The following CHST11 variants were observed in gnomAD, a reference collection of about 807,000 sequenced individuals.
The protein encoded by CHST11 is C4S-1.
CHST11 carries 9 observed loss-of-function variants against 30.4 expected under a neutral mutation model. The ratio of observed to expected loss-of-function variants is 0.30; its 90% CI spans 0.18 to 0.52. CHST11 has a LOEUF of 0.52. CHST11 is among the 20% of genes least tolerant of loss of function. CHST11 has a pLI of 0.97. For synonymous variants in CHST11, 152 were observed against 187.8 expected (o/e 0.81, Z 1.56); for missense variants, 348 against 460.6 (o/e 0.76, Z 2.24).
rs753309153 is a variant in CHST11, at chr12:104,498,120, G to A, written c.118+40591G>A. Among the ~76,000 whole-genome samples, 7 of 151,792 alleles carry A rather than the reference G, an allele frequency of 4.6e-5. No homozygotes were observed. The East Asian group carries it at 9.7e-4, about 21-fold the overall frequency. ...TTTTTAGTAGAGATGGGGTTTTGCC[G>A]TGTTGGCCAGGCTGGTTTTGAACTC... On this transcript the variant is annotated intron_variant, in intron 1 of 2. Coordinates refer to ENST00000303694, the MANE Select transcript of CHST11 (RefSeq NM_018413.6).
chr12:104,496,697 T>C (rs1740570932), intron 1 of CHST11, among the ~76,000 whole-genome samples: 1 of 152,192 alleles, frequency 6.6e-6, no homozygotes, highest in South Asian at 2.1e-4. Context: ...GAAGTCTCTG[T>C]CAAGAGCTCA....
At chr12:104,696,250 A>G (rs777359796) in intron 2 of CHST11, among the ~76,000 whole-genome samples, 18 of 151,886 alleles carry the variant, frequency 1.2e-4, no homozygotes, top group South Asian at 2.1e-4. Flanking sequence ...AGATGATATA[A>G]TAAACACTTT....
chr12:104,557,100 C>A (rs1476746887), intron 1 of CHST11, among the ~76,000 whole-genome samples: 4 of 152,152 alleles, frequency 2.6e-5, no homozygotes, highest in African/African-American at 9.7e-5. Context: ...TTTGCAGAGA[C>A]CCTGTTTCCA....
At chr12:104,532,708 C>T (rs147003384) in intron 1 of CHST11, among the ~76,000 whole-genome samples, 175 of 152,238 alleles carry the variant, frequency 1.1e-3, no homozygotes, top group Non-Finnish European at 1.8e-3. Context: ...CTATACCCAC[C>T]GTGTGCCAGC....
At chr12:104,494,492 T>C (rs1365704515) in intron 1 of CHST11, among the ~76,000 whole-genome samples, 2 of 152,242 alleles carry the variant, frequency 1.3e-5, no homozygotes, top group Non-Finnish European at 2.9e-5. Flanking sequence ...AGGGGAAGGA[T>C]TTTTGTCTCA....
At chr12:104,749,393 A>AT (rs901306270) in intron 2 of CHST11, among the ~76,000 whole-genome samples, 2 of 151,974 alleles carry the variant, frequency 1.3e-5, no homozygotes, top group African/African-American at 2.4e-5. Context: ...CTCATAGAAT[A>AT]TTTTTTTTCT....
intron 2 of CHST11, among the ~76,000 whole-genome samples, chr12:104,624,882 G>A (rs1264925751): frequency 6.6e-6 from 1 of 152,236 alleles, no homozygotes; most frequent in Non-Finnish European, 1.5e-5. Flanking sequence ...CTTTTTGGCT[G>A]TGTCCTCACA....
intron 1 of CHST11, among the ~76,000 whole-genome samples, chr12:104,581,750 G>C (rs940319320): frequency 6.6e-6 from 1 of 152,174 alleles, no homozygotes; most frequent in African/African-American, 2.4e-5. Context: ...GGCACAGGTG[G>C]TCTCAAAGGG....
intron 1 of CHST11, among the ~76,000 whole-genome samples, chr12:104,463,029 A>T (rs12309301): frequency 6.6e-6 from 1 of 152,170 alleles, no homozygotes; most frequent in African/African-American, 2.4e-5. Flanking sequence ...ATCCTTCAGC[A>T]GAGGTATCTG....
chr12:104,586,487 G>C (rs890677363), intron 1 of CHST11, among the ~76,000 whole-genome samples: 6 of 152,240 alleles, frequency 3.9e-5, no homozygotes, highest in African/African-American at 1.2e-4. Flanking sequence ...GGAGGAGGCA[G>C]GTTTGGAGTT....
intron 1 of CHST11, among the ~76,000 whole-genome samples, chr12:104,591,004 A>G (rs1040284670): frequency 4.6e-5 from 7 of 152,100 alleles, no homozygotes; most frequent in African/African-American, 1.7e-4. Flanking sequence ...TGTCCAGGGA[A>G]GCTCTCTCTG....
chr12:104,715,140 G>A (rs145557682), intron 2 of CHST11, among the ~76,000 whole-genome samples: 2,060 of 152,304 alleles, frequency 0.014, 42 homozygotes, highest in African/African-American at 0.047. Context: ...CAAGGCAGGC[G>A]GATCACTTGA....
chr12:104,651,764 A>C (rs758284983), intron 2 of CHST11, among the ~76,000 whole-genome samples: 4 of 152,118 alleles, frequency 2.6e-5, no homozygotes, highest in Admixed American at 6.5e-5. Context: ...TAATTGTAAA[A>C]ATGCCTCCTG....
intron 1 of CHST11, among the ~76,000 whole-genome samples, chr12:104,502,709 G>A (rs1245301994): frequency 1.3e-5 from 2 of 152,210 alleles, no homozygotes; most frequent in East Asian, 3.8e-4. Context: ...AGTTAAGAGA[G>A]ACACCAGCGT....
chr12:104,742,130 G>A (rs765667407), intron 2 of CHST11, among the ~76,000 whole-genome samples: 1 of 152,200 alleles, frequency 6.6e-6, no homozygotes, highest in Non-Finnish European at 1.5e-5. Context: ...AAATGACCCT[G>A]AGAAGTAGAC....
intron 2 of CHST11, among the ~76,000 whole-genome samples, chr12:104,675,683 CA>C (rs2039736017): frequency 6.6e-6 from 1 of 152,174 alleles, no homozygotes; most frequent in African/African-American, 2.4e-5. Flanking sequence ...CGTACTTAAG[CA>C]AATTACTTCC....
At chr12:104,535,595 A>G (rs1481575518) in intron 1 of CHST11, among the ~76,000 whole-genome samples, 2 of 152,172 alleles carry the variant, frequency 1.3e-5, no homozygotes, top group Non-Finnish European at 2.9e-5. Flanking sequence ...ATTTGCAAAT[A>G]TCTTCTCCTC....
At chr12:104,755,182 G>A (rs918439133) in intron 2 of CHST11, among the ~76,000 whole-genome samples, 1 of 152,140 alleles carries the variant, frequency 6.6e-6, no homozygotes, top group Non-Finnish European at 1.5e-5. Flanking sequence ...AAAGTTGGAG[G>A]AGCAGGGGCA....
chr12:104,625,637 A>C (rs1385163902), intron 2 of CHST11, among the ~76,000 whole-genome samples: 1 of 152,162 alleles, frequency 6.6e-6, no homozygotes, highest in Non-Finnish European at 1.5e-5. Context: ...GTTAAGACAA[A>C]CAGGCAACTC....
Sources: allele counts gnomAD v4.1 joint callset (sites outside exome capture counted in the v4.1 genomes callset), GRCh38; gene constraint gnomAD v4.1.1; transcripts MANE v1.5; gene names NCBI Gene and HGNC (gene_info 2026-07-23, HGNC 2026-07-21).